The following TTF2 variants were observed in gnomAD, a reference collection of about 807,000 sequenced individuals.
TTF2 encodes the protein RNA polymerase II termination factor.
Under a neutral mutation model 142.4 loss-of-function variants are expected in TTF2, and 108 were observed. The ratio of observed to expected loss-of-function variants is 0.76; its 90% CI spans 0.65 to 0.89. The LOEUF (loss-of-function observed/expected upper bound fraction) is 0.89, where lower values mean the gene tolerates loss of function less well. Ranked by LOEUF, TTF2 falls within the 40% of genes least tolerant of loss-of-function variation. TTF2 has a pLI of 0.00. For synonymous variants in TTF2, 483 were observed against 506.2 expected (o/e 0.95, Z 0.61); for missense variants, 1,327 against 1,379.8 (o/e 0.96, Z 0.61).
rs775175439 is a variant in TTF2 at position 117,074,924 on chromosome 1, A to C, written c.340A>C (p.Thr114Pro). 35 of 1,613,228 alleles carry C rather than the reference A, an allele frequency of 2.2e-5. No homozygotes were observed. In the South Asian group the frequency reaches 2.9e-4, roughly 13 times the overall value. ...CAATAAGTCTCAGCATGCATCTGAGACATTTCATCATTCTTCCAACTGGCT... is the reference window on the plus strand; with the variant it reads ...CAATAAGTCTCAGCATGCATCTGAGCCATTTCATCATTCTTCCAACTGGCT... ...VSNKSQHASE[T>P]FHHSSNWLRN... Residue 114 changes from threonine (T) to proline (P), a missense_variant, in exon 5 of 23, where the codon ACA becomes CCA. Coordinates refer to ENST00000369466, the MANE Select transcript of TTF2 (RefSeq NM_003594.4).
At position 117,103,213 on chromosome 1, in the gene TTF2, C is replaced by T. The variant is rs1649722941; in HGVS notation, c.*1689C>T. 1.3e-5 allele frequency: 2 copies of T among 152,178 alleles called. No homozygotes were observed. The highest frequency in any genetic ancestry group is 4.8e-5 in the African/African-American group (2 of 41,446). 9.4% of individuals were successfully genotyped at this position (152,178 alleles called of 1,614,324 possible). On this transcript the variant is annotated 3_prime_UTR_variant, in exon 23 of 23. Coordinates refer to ENST00000369466, the MANE Select transcript of TTF2 (RefSeq NM_003594.4). ...GTCCCAGGATGGCTCCCCATGTACA[C>T]TTCCCTCCTCGCCCCAGCTCACCTA...
Position 117,090,765 on chromosome 1 carries a change from C to T in TTF2, c.2588+142C>T, listed in dbSNP as rs1648507518. The T allele has an allele frequency of 2.7e-6, 2 of 727,998 alleles. No homozygotes were observed. The highest frequency in any genetic ancestry group is 1.9e-5 in the South Asian group (1 of 52,130). 45.1% of individuals were successfully genotyped at this position (727,998 alleles called of 1,614,324 possible). On this transcript the variant is annotated intron_variant, in intron 15 of 22. Coordinates refer to ENST00000369466, the MANE Select transcript of TTF2 (RefSeq NM_003594.4). This position sits in a 1 kb window ranked among gnomAD's most constrained non-coding sequence, Gnocchi z 4.8. ...TCTGTATTCCCTTTTTTTTTTTACC[C>T]CATTTTTCTCCTTCTCCCCTCCCCA...
rs1647382720 is a variant in TTF2 at position 117,080,315 on chromosome 1, A to G, written c.1783+666A>G. Among the ~76,000 whole-genome samples, 5 of 151,928 alleles carry G rather than the reference A, an allele frequency of 3.3e-5. No individual in the cohort carries two copies. ...GCATGAGCCACTACACCTGGCCTAA[A>G]AGTAGTCTATAAAAAGCATCACAGC... On this transcript the variant is annotated intron_variant, in intron 9 of 22. Coordinates refer to ENST00000369466, the MANE Select transcript of TTF2 (RefSeq NM_003594.4). This position sits in a 1 kb window ranked among gnomAD's most constrained non-coding sequence, Gnocchi z 4.3.
chr1:117,080,008 C>CT lies in TTF2; in HGVS notation c.1783+377dup, dbSNP rs544511918. Among the ~76,000 whole-genome samples, 2,016 of 138,936 alleles carry CT rather than the reference C, an allele frequency of 0.015. 42 individuals are homozygous for CT. The highest frequency in any genetic ancestry group is 0.046 in the African/African-American group (1,752 of 38,074). The allele number at this position is 138,936 out of a possible 152,430, so 91.1% of individuals were successfully genotyped here. A position where few individuals can be genotyped will look rare whatever the true frequency, so the allele number is the denominator to read the frequency against. Reference sequence around the variant, plus strand: ...ACAAACAGCAGTCTATTGCCTCCCTCTTTTTTTTTTTTTTTTTTGAGATGG... The same window carrying CT: ...ACAAACAGCAGTCTATTGCCTCCCTCTTTTTTTTTTTTTTTTTTTGAGATGG... On this transcript the variant is annotated intron_variant, in intron 9 of 22. Transcript: ENST00000369466. This position sits in a 1 kb window ranked among gnomAD's most constrained non-coding sequence, Gnocchi z 4.3.
rs764713194 is a variant in TTF2, at chr1:117,091,951, G to T, written c.2805+1G>T. 4 of 1,610,844 alleles carry T rather than the reference G, an allele frequency of 2.5e-6. No homozygotes were observed. The South Asian group carries it at 3.3e-5, about 13-fold the overall frequency. On this transcript the variant is annotated splice_donor_variant, in intron 17 of 22. Transcript: ENST00000369466. LOFTEE classifies it high-confidence loss of function. ...CTGTCATCTTTCTTTACTGAAGTCG[G>T]TAAGAAAAGCCCTCAGCCTGCTGTC... is the stretch of plus-strand genomic sequence containing the variant.
At chr1:117,095,459 A>G in intron 19 of TTF2, 92 bp downstream of exon 19, 1 of 1,207,610 alleles carries the variant, frequency 8.3e-7, no homozygotes, top group Non-Finnish European at 1.2e-6. Context: ...ACTGTGAGTC[A>G]TGCTCAGCAG....
intron 13 of TTF2, 106 bp downstream of exon 13, chr1:117,089,088 T>A: frequency 1.6e-6 from 2 of 1,235,222 alleles, no homozygotes; most frequent in Non-Finnish European, 2.2e-6. Context: ...TTATCTTGTT[T>A]AGGAGATGGC....
intron 9 of TTF2, 110 bp from the exon 10 acceptor site, chr1:117,081,718 C>A: frequency 7.4e-7 from 1 of 1,347,290 alleles, no homozygotes; most frequent in Non-Finnish European, 1.0e-6. Flanking sequence ...GACGGAGTGG[C>A]ACTGACAGAG....
chr1:117,083,634 TC>T (rs1348169952), intron 10 of TTF2, among the ~76,000 whole-genome samples: 2 of 152,086 alleles, frequency 1.3e-5, no homozygotes, highest in Non-Finnish European at 2.9e-5. Flanking sequence ...CCCACTTTCC[TC>T]CCCCTGTTTA....
Position 117,060,326 on chromosome 1 carries a change from G to A in TTF2, c.-21G>A. On this transcript the variant is annotated 5_prime_UTR_variant, in exon 1 of 23. Transcript: ENST00000369466. Reference sequence around the variant, plus strand: ...GCAGAATTGGGGGCGGGGCTTTGTGGAACTTGGGGGACCCAGCGAAATGGA... The same window carrying A: ...GCAGAATTGGGGGCGGGGCTTTGTGAAACTTGGGGGACCCAGCGAAATGGA... 1 of 1,591,832 alleles carries A rather than the reference G, an allele frequency of 6.3e-7. No homozygotes were observed. Among genetic ancestry groups the A allele is most frequent in the Non-Finnish European group, 8.5e-7 (1 of 1,169,916 alleles).
intron 3 of TTF2, among the ~76,000 whole-genome samples, chr1:117,067,846 G>A (rs963877539): frequency 6.6e-6 from 1 of 152,198 alleles, no homozygotes; most frequent in Non-Finnish European, 1.5e-5. Flanking sequence ...GCTGAATGTA[G>A]TCAGGAGACA....
rs35565289 is a variant in TTF2, at chr1:117,088,921, C to T, written c.2281C>T (p.Arg761Cys). The T allele has an allele frequency of 3.1e-6, 5 of 1,613,562 alleles. No individual in the cohort carries two copies. The highest frequency in any genetic ancestry group is 1.3e-5 in the African/African-American group (1 of 74,896). ...TGTGTGTAAGCTACAAGCCTGTGCCCGTTGGGCTGTCACTGGAACCCCCAT... is the reference window on the plus strand; with the variant it reads ...TGTGTGTAAGCTACAAGCCTGTGCCTGTTGGGCTGTCACTGGAACCCCCAT... ...IAVCKLQACARWAVTGTPIQN... is the reference protein window; with the variant it reads ...IAVCKLQACACWAVTGTPIQN... Residue 761 changes from arginine to cysteine, a missense_variant, in exon 13 of 23, where the codon CGT becomes TGT. By Grantham distance (180) the Arg-to-Cys change is radical. Coordinates refer to ENST00000369466, the MANE Select transcript of TTF2 (RefSeq NM_003594.4).
chr1:117,091,420 A>G lies in TTF2; in HGVS notation c.2671+10A>G. ...AATCCATTCAGTAGAGGTAAGCTGT[A>G]GGACTCTCATAAATACATATGACTG... On this transcript the variant is annotated intron_variant, in intron 16 of 22. Transcript: ENST00000369466. 1 of 1,605,742 alleles carries G rather than the reference A, an allele frequency of 6.2e-7. No homozygotes were observed. Among genetic ancestry groups the G allele is most frequent in the Non-Finnish European group, 8.5e-7 (1 of 1,177,544 alleles).
rs186938603 is a variant in TTF2 at position 117,080,765 on chromosome 1, A to C, written c.1784-1063A>C. Among the ~76,000 whole-genome samples, 5 of 152,318 alleles carry C rather than the reference A, an allele frequency of 3.3e-5. No homozygotes were observed. In the East Asian group the frequency reaches 9.6e-4, roughly 29 times the overall value. ...AAAGGCTATAGATCAAAATCAACAA[A>C]AGGAAAAGTCACAGGGGCAGAATCC... On this transcript the variant is annotated intron_variant, in intron 9 of 22. Coordinates refer to ENST00000369466, the MANE Select transcript of TTF2 (RefSeq NM_003594.4). The surrounding 1 kb of genome is among the most constrained non-coding windows in gnomAD (Gnocchi z 4.3).
intron 3 of TTF2, among the ~76,000 whole-genome samples, chr1:117,071,189 G>T (rs1656544374): frequency 6.6e-6 from 1 of 151,876 alleles, no homozygotes; most frequent in Non-Finnish European, 1.5e-5. Flanking sequence ...TACATGAAAT[G>T]ACATATGCAC....
rs535464779 is a variant in TTF2 at position 117,060,620 on chromosome 1, G to C, written c.131+63G>C. ...CGGGGCCTCCCGAGAGGAGCTTCCC[G>C]CTCCCCGCTGTCGGGCGTCACAGGG... On this transcript the variant is annotated intron_variant, in intron 2 of 22. Coordinates refer to ENST00000369466, the MANE Select transcript of TTF2 (RefSeq NM_003594.4). The C allele has an allele frequency of 1.0e-5, 15 of 1,495,186 alleles. No individual in the cohort carries two copies. The East Asian group carries it at 3.5e-4, about 34-fold the overall frequency. The allele number at this position is 1,495,186 out of a possible 1,614,324, so 92.6% of individuals were successfully genotyped here.
At chr1:117,089,069 T>C in intron 13 of TTF2, 87 bp downstream of exon 13, 1 of 1,388,168 alleles carries the variant, frequency 7.2e-7, no homozygotes, top group Non-Finnish European at 9.7e-7. Context: ...AGCCTTAGTA[T>C]GTGCCAGATT....
chr1:117,079,727 T>C lies in TTF2; in HGVS notation c.1783+78T>C. ...TAAACACGTAGTGTTGTTTCATTTA[T>C]TCCTCTCAAGAACTCTATGAGGCAG... On this transcript the variant is annotated intron_variant, in intron 9 of 22. Transcript: ENST00000369466. This position sits in a 1 kb window ranked among gnomAD's most constrained non-coding sequence, Gnocchi z 4.2. 1 of 1,381,156 alleles carries C rather than the reference T, an allele frequency of 7.2e-7. No homozygotes were observed. The highest frequency in any genetic ancestry group is 1.2e-5 in the South Asian group (1 of 85,786). 85.6% of individuals were successfully genotyped at this position (1,381,156 alleles called of 1,614,324 possible).
At position 117,075,691 on chromosome 1, in the gene TTF2, C is replaced by T. The variant is rs143006799; in HGVS notation, c.1107C>T (p.Pro369=). ...TTGTTTCCTCTAAGCCTGGGAGCCC[C>T]CTACTCTTTGACTCGACTCTGGACT... is the stretch of plus-strand genomic sequence containing the variant. The part of the protein sequence containing the change: ...VVFVSSKPGS[P]LLFDSTLDLE... The change falls in exon 5 of 23, where the codon CCC becomes CCT. Residue 369 remains proline (P), a synonymous_variant. Transcript: ENST00000369466. The surrounding 1 kb of genome is among the most constrained non-coding windows in gnomAD (Gnocchi z 4.5). 4 of 1,614,042 alleles carry T rather than the reference C, an allele frequency of 2.5e-6. No homozygotes were observed. The African/African-American group carries it at 4.0e-5, about 16-fold the overall frequency.
Sources: allele counts gnomAD v4.1 joint callset (sites outside exome capture counted in the v4.1 genomes callset), GRCh38; gene constraint gnomAD v4.1.1; non-coding constraint Gnocchi (gnomAD v3.1); transcripts MANE v1.5; gene names NCBI Gene and HGNC (gene_info 2026-07-23, HGNC 2026-07-21).